RBFOX1: variants seen among roughly 807,000 people sequenced by gnomAD.
RBFOX1 encodes the protein RNA binding fox-1 homolog 1, also known as RNA binding protein fox-1 homolog 1.
In RBFOX1, 8 loss-of-function variants were observed where a neutral mutation model predicts 57.7. The ratio of observed to expected loss-of-function variants is 0.14; its 90% CI spans 0.08 to 0.25. RBFOX1 has a LOEUF of 0.25. RBFOX1 is among the 10% of genes least tolerant of loss of function. The pLI, the probability that RBFOX1 is intolerant of heterozygous loss-of-function variation, is 1.00. For missense variants in RBFOX1, 611 were observed against 548.5 expected (o/e 1.11, Z -1.14); for synonymous variants, 326 against 222.4 (o/e 1.47, Z -4.15).
intron 1 of RBFOX1, among the ~76,000 whole-genome samples, chr16:5,294,228 C>G (rs1464802935): frequency 6.6e-6 from 1 of 151,816 alleles, no homozygotes; most frequent in East Asian, 1.9e-4. Context: ...GATTCTGTCT[C>G]AAAAACAAAA....
chr16:5,314,627 A>G (rs963218329), intron 1 of RBFOX1, among the ~76,000 whole-genome samples: 4 of 152,050 alleles, frequency 2.6e-5, no homozygotes. Flanking sequence ...CAGCCTCCCT[A>G]GTAGCTGGGA....
intron 2 of RBFOX1, among the ~76,000 whole-genome samples, chr16:5,552,448 G>A (rs764115507): frequency 6.6e-5 from 10 of 152,284 alleles, no homozygotes; most frequent in Middle Eastern, 6.8e-3. Context: ...GGTGCGGGAT[G>A]TTTTAGTCCA....
intron 2 of RBFOX1, among the ~76,000 whole-genome samples, chr16:6,386,277 C>G (rs929068996): frequency 9.9e-5 from 15 of 152,204 alleles, no homozygotes; most frequent in Admixed American, 6.5e-5. Context: ...GTCAAACTTA[C>G]TGCAGCTTAG....
intron 3 of RBFOX1, among the ~76,000 whole-genome samples, chr16:6,696,331 G>GA (rs5815341): frequency 0.057 from 8,635 of 151,478 alleles, 667 homozygotes; most frequent in East Asian, 0.41. Flanking sequence ...GTTTTCTTTG[G>GA]AAAAAAAAAT....
chr16:6,808,758 C>G (rs1301597837), intron 3 of RBFOX1, among the ~76,000 whole-genome samples: 2 of 152,158 alleles, frequency 1.3e-5, no homozygotes, highest in African/African-American at 4.8e-5. Flanking sequence ...ACCTGGTTAT[C>G]TCTGGGTCTG....
chr16:7,444,849 C>T (rs1005361114), intron 4 of RBFOX1, among the ~76,000 whole-genome samples: 2 of 152,082 alleles, frequency 1.3e-5, no homozygotes, highest in East Asian at 1.9e-4. Context: ...TACTCTTAAT[C>T]CTGGCCTGTA....
At chr16:7,510,095 C>T in intron 4 of RBFOX1, 1 of 975,126 alleles carries the variant, frequency 1.0e-6, no homozygotes, top group Non-Finnish European at 1.2e-6. Flanking sequence ...AGAAAAAGTG[C>T]CATCTGGGTT....
At chr16:6,136,915 C>T (rs1172329438) in intron 1 of RBFOX1, among the ~76,000 whole-genome samples, 1 of 152,148 alleles carries the variant, frequency 6.6e-6, no homozygotes, top group Non-Finnish European at 1.5e-5. Flanking sequence ...AATCAGTCTC[C>T]TAGCAAAACA....
intron 4 of RBFOX1, among the ~76,000 whole-genome samples, chr16:7,109,570 A>G (rs2064260925): frequency 6.6e-6 from 1 of 152,130 alleles, no homozygotes; most frequent in African/African-American, 2.4e-5. Flanking sequence ...GCTGCAAATG[A>G]TGATGGTAGA....
In RBFOX1 at chr16:7,035,189, A is replaced by G. The variant is rs898050729; in HGVS notation, c.-15-16868A>G. Among the ~76,000 whole-genome samples, 4 of 151,916 alleles carry G rather than the reference A, an allele frequency of 2.6e-5. No individual in the cohort carries two copies. In the South Asian group the frequency reaches 6.2e-4, roughly 24 times the overall value. On this transcript the variant is annotated intron_variant, in intron 3 of 15. Coordinates refer to ENST00000550418, the MANE Select transcript of RBFOX1 (RefSeq NM_018723.4). The stretch of plus-strand genomic sequence containing the variant: ...TGTAATGAGTTTCCAGGTGATGCCA[A>G]CGCTGTTGGTCCTCAGTCTCACTTT...
Position 6,899,254 on chromosome 16 carries a change from C to T in RBFOX1, c.-15-152803C>T, listed in dbSNP as rs115097230. Among the ~76,000 whole-genome samples the T allele has an allele frequency of 4.6e-3, 698 of 151,832 alleles. 5 individuals are homozygous for T. Among genetic ancestry groups the T allele is most frequent in the African/African-American group, 0.016 (669 of 41,398 alleles). On this transcript the variant is annotated intron_variant, in intron 3 of 15. Coordinates refer to ENST00000550418, the MANE Select transcript of RBFOX1 (RefSeq NM_018723.4). The stretch of plus-strand genomic sequence containing the variant: ...GCGTGTCCATGTGTATGTTTGCGTG[C>T]ATGTGTGTATAACGTGTGCATGTAT...
chr16:5,658,601 C>T (rs1323842541), intron 3 of RBFOX1, among the ~76,000 whole-genome samples: 2 of 152,020 alleles, frequency 1.3e-5, no homozygotes, highest in Non-Finnish European at 2.9e-5. Context: ...TGAGAAGATA[C>T]TATGTTTGGT....
chr16:5,401,793 T>TCCTCCTCCTCCTC (rs200917305), intron 1 of RBFOX1, among the ~76,000 whole-genome samples: 3,348 of 149,002 alleles, frequency 0.022, 89 homozygotes, highest in Non-Finnish European at 0.03. Context: ...CTCCTCCTCC[T>TCCTCCTCCTCCTC]CTTTCTCCTC....
intron 2 of RBFOX1, among the ~76,000 whole-genome samples, chr16:5,497,709 G>T (rs1169941084): frequency 6.6e-6 from 1 of 151,904 alleles, no homozygotes; most frequent in African/African-American, 2.4e-5. Context: ...AACCCAAGAG[G>T]CAGAGGTCGC....
intron 4 of RBFOX1, among the ~76,000 whole-genome samples, chr16:7,122,505 G>A (rs1046523702): frequency 2.0e-5 from 3 of 152,096 alleles, no homozygotes; most frequent in African/African-American, 7.2e-5. Context: ...AAGTGCAAAT[G>A]AAAACTAGGA....
chr16:6,488,728 C>T (rs934193051), intron 2 of RBFOX1, among the ~76,000 whole-genome samples: 1 of 152,070 alleles, frequency 6.6e-6, no homozygotes, highest in Non-Finnish European at 1.5e-5. Context: ...GATCAATTTC[C>T]TCCCCTAACC....
At chr16:7,517,091 C>G (rs569237222) in intron 4 of RBFOX1, among the ~76,000 whole-genome samples, 2 of 151,218 alleles carry the variant, frequency 1.3e-5, no homozygotes, top group South Asian at 2.1e-4. Flanking sequence ...GATCCCATCT[C>G]CTGAGACCAT....
intron 4 of RBFOX1, among the ~76,000 whole-genome samples, chr16:7,061,215 G>A (rs920919478): frequency 6.6e-6 from 1 of 152,146 alleles, no homozygotes; most frequent in African/African-American, 2.4e-5. Context: ...CCCAGGGGCA[G>A]CTTCTCTAGT....
intron 4 of RBFOX1, among the ~76,000 whole-genome samples, chr16:7,125,112 A>G (rs1600230307): frequency 6.6e-6 from 1 of 152,178 alleles, no homozygotes; most frequent in East Asian, 1.9e-4. Flanking sequence ...CAAAATGACA[A>G]TATGAGAGGT....
Sources: allele counts gnomAD v4.1 joint callset (sites outside exome capture counted in the v4.1 genomes callset), GRCh38; gene constraint gnomAD v4.1.1; transcripts MANE v1.5; gene names NCBI Gene and HGNC (gene_info 2026-07-23, HGNC 2026-07-21).